The following KCND2 variants were observed in gnomAD, a reference collection of about 807,000 sequenced individuals.
KCND2 encodes potassium voltage-gated channel subfamily D member 2, also known as A-type voltage-gated potassium channel KCND2.
Under a neutral mutation model 54.4 loss-of-function variants are expected in KCND2, and 16 were observed. The ratio of observed to expected loss-of-function variants is 0.29; its 90% CI spans 0.20 to 0.45. The LOEUF (loss-of-function observed/expected upper bound fraction) is 0.45, where lower values mean the gene tolerates loss of function less well. KCND2 is among the 20% of genes least tolerant of loss of function. The pLI, the probability that KCND2 is intolerant of heterozygous loss-of-function variation, is 1.00. For missense variants in KCND2, 486 were observed against 824.2 expected (o/e 0.59, Z 5.02); for synonymous variants, 317 against 310.7 (o/e 1.02, Z -0.21).
At chr7:120,663,226 G>A (rs1167514347) in intron 1 of KCND2, among the ~76,000 whole-genome samples, 1 of 152,032 alleles carries the variant, frequency 6.6e-6, no homozygotes, top group Non-Finnish European at 1.5e-5. Flanking sequence ...TCACTTAACT[G>A]GTTAGATTAA....
chr7:120,310,096 A>G (rs1370432576), intron 1 of KCND2, among the ~76,000 whole-genome samples: 2 of 152,188 alleles, frequency 1.3e-5, no homozygotes, highest in Non-Finnish European at 2.9e-5. Context: ...ACATGTCCCT[A>G]TGATAGCACT....
intron 1 of KCND2, among the ~76,000 whole-genome samples, chr7:120,350,054 A>C (rs1554430002): frequency 1.4e-4 from 22 of 152,118 alleles, no homozygotes. Context: ...AACATAAAGA[A>C]TGTTTTACAG....
At chr7:120,738,001 G>A (rs762153621) in intron 2 of KCND2, among the ~76,000 whole-genome samples, 1 of 151,914 alleles carries the variant, frequency 6.6e-6, no homozygotes, top group Non-Finnish European at 1.5e-5. Context: ...TTGGCTTATA[G>A]ATCCTTCTCA....
rs1284691856 is a variant in KCND2 at position 120,660,172 on chromosome 7, A to T, written c.1116-72731A>T. On this transcript the variant is annotated intron_variant, in intron 1 of 5. Transcript: ENST00000331113. Reference sequence around the variant, plus strand: ...AATATATTATCCAGATTCTACTATTATTTTAAACTTGGTAACTGATGTCCA... The same window carrying T: ...AATATATTATCCAGATTCTACTATTTTTTTAAACTTGGTAACTGATGTCCA... Among the ~76,000 whole-genome samples the T allele has an allele frequency of 2.6e-5, 4 of 152,208 alleles. No individual in the cohort carries two copies. In the East Asian group the frequency reaches 5.8e-4, roughly 22 times the overall value.
intron 1 of KCND2, among the ~76,000 whole-genome samples, chr7:120,373,440 C>T (rs1453753433): frequency 6.6e-6 from 1 of 151,872 alleles, no homozygotes; most frequent in Non-Finnish European, 1.5e-5. Context: ...ATATGCAAAT[C>T]TGAAAAGCTC....
chr7:120,415,086 C>T (rs1270701011), intron 1 of KCND2, among the ~76,000 whole-genome samples: 1 of 152,162 alleles, frequency 6.6e-6, no homozygotes, highest in Non-Finnish European at 1.5e-5. Flanking sequence ...TAACAATGTA[C>T]ATTAAACTAC....
At chr7:120,566,030 G>A (rs1280220790) in intron 1 of KCND2, among the ~76,000 whole-genome samples, 2 of 152,126 alleles carry the variant, frequency 1.3e-5, no homozygotes, top group Admixed American at 6.5e-5. Flanking sequence ...GATAGCTGAT[G>A]GTTATCATAA....
chr7:120,559,446 C>T (rs1489092390), intron 1 of KCND2, among the ~76,000 whole-genome samples: 2 of 152,050 alleles, frequency 1.3e-5, no homozygotes, highest in Non-Finnish European at 2.9e-5. Flanking sequence ...GGCAGATGAG[C>T]GAAGCTTCTG....
At chr7:120,700,605 G>T (rs375508708) in intron 1 of KCND2, among the ~76,000 whole-genome samples, 1 of 152,058 alleles carries the variant, frequency 6.6e-6, no homozygotes, top group Non-Finnish European at 1.5e-5. Context: ...AAACTTTGGA[G>T]AATTTAAAAA....
intron 1 of KCND2, among the ~76,000 whole-genome samples, chr7:120,569,302 G>A (rs1792335228): frequency 6.6e-6 from 1 of 151,994 alleles, no homozygotes; most frequent in Non-Finnish European, 1.5e-5. Context: ...CCTTCCACTG[G>A]AGTATTACTA....
intron 1 of KCND2, among the ~76,000 whole-genome samples, chr7:120,469,570 T>C (rs1200812529): frequency 6.6e-6 from 1 of 152,070 alleles, no homozygotes; most frequent in Non-Finnish European, 1.5e-5. Context: ...GATTGGAAGC[T>C]CAGGAACCAG....
At position 120,744,119 on chromosome 7, in the gene KCND2, A is replaced by G. The variant is rs550468522; in HGVS notation, c.1467+1517A>G. On this transcript the variant is annotated intron_variant, in intron 4 of 5. Transcript: ENST00000331113. ...TACTAAAAATACAAAAAAATTAGCCAGACATGGTGGCGGGAGCCTGTATTC... is the reference window on the plus strand; with the variant it reads ...TACTAAAAATACAAAAAAATTAGCCGGACATGGTGGCGGGAGCCTGTATTC... 3.9e-5 allele frequency among the ~76,000 whole-genome samples: 6 copies of G among 152,114 alleles called. No homozygotes were observed. The South Asian group carries it at 1.2e-3, about 32-fold the overall frequency.
chr7:120,354,022 A>G lies in KCND2; in HGVS notation c.1115+78275A>G, dbSNP rs1196982534. On this transcript the variant is annotated intron_variant, in intron 1 of 5. Coordinates refer to ENST00000331113, the MANE Select transcript of KCND2 (RefSeq NM_012281.3). ...TAATATTTTGTGTGACAAAATGGGAAATATACGTAGAGTACTTCTGCTTCA... is the reference window on the plus strand; with the variant it reads ...TAATATTTTGTGTGACAAAATGGGAGATATACGTAGAGTACTTCTGCTTCA... Among the ~76,000 whole-genome samples the G allele has an allele frequency of 2.0e-5, 3 of 152,142 alleles. No individual in the cohort carries two copies. The East Asian group carries it at 5.8e-4, about 29-fold the overall frequency.
At chr7:120,560,692 A>G (rs189101481) in intron 1 of KCND2, among the ~76,000 whole-genome samples, 15 of 152,188 alleles carry the variant, frequency 9.9e-5, no homozygotes, top group Non-Finnish European at 1.8e-4. Context: ...CGAATGAAGC[A>G]GCAGGCAGGG....
chr7:120,386,140 T>C (rs1800984716), intron 1 of KCND2, among the ~76,000 whole-genome samples: 1 of 152,140 alleles, frequency 6.6e-6, no homozygotes, highest in South Asian at 2.1e-4. Context: ...GAAGCATTTG[T>C]ATAGTGCATT....
chr7:120,358,423 G>A (rs753265653), intron 1 of KCND2, among the ~76,000 whole-genome samples: 1 of 152,046 alleles, frequency 6.6e-6, no homozygotes, highest in Non-Finnish European at 1.5e-5. Flanking sequence ...GGTGGTACAT[G>A]GGATAAGCAG....
chr7:120,416,767 C>T (rs1199397458), intron 1 of KCND2, among the ~76,000 whole-genome samples: 1 of 135,470 alleles, frequency 7.4e-6, no homozygotes, highest in Middle Eastern at 3.5e-3. Flanking sequence ...TGGAGGGACT[C>T]ATAGACTAGC....
chr7:120,559,169 A>G (rs1792202040), intron 1 of KCND2, among the ~76,000 whole-genome samples: 1 of 152,158 alleles, frequency 6.6e-6, no homozygotes, highest in Admixed American at 6.6e-5. Context: ...CTAACTGCAT[A>G]ACTGTGTTCT....
chr7:120,649,881 G>T (rs947729023), intron 1 of KCND2, among the ~76,000 whole-genome samples: 4 of 152,120 alleles, frequency 2.6e-5, no homozygotes, highest in African/African-American at 9.7e-5. Context: ...AATAAGCTTA[G>T]TTTGGCTGGA....
Sources: gnomAD v4.1 joint callset for allele counts (sites outside exome capture counted in the v4.1 genomes callset) on GRCh38, gnomAD v4.1.1 for gene constraint, MANE v1.5 for transcripts, NCBI Gene and HGNC (gene_info 2026-07-23, HGNC 2026-07-21) for gene names.